CACNB2: variants seen among roughly 807,000 people sequenced by gnomAD.
CACNB2 encodes voltage-dependent L-type calcium channel subunit beta-2.
Under a neutral mutation model 73.3 loss-of-function variants are expected in CACNB2, and 42 were observed. That is an observed-to-expected ratio of 0.57 (90% CI 0.45 to 0.74). The LOEUF (loss-of-function observed/expected upper bound fraction) is 0.74. Among genes scored for constraint, CACNB2 ranks in the 30% least tolerant of loss-of-function variants. CACNB2 has a pLI of 0.00. For missense variants in CACNB2, 940 were observed against 853.0 expected (o/e 1.10, Z -1.27); for synonymous variants, 348 against 310.3 (o/e 1.12, Z -1.28).
intron 2 of CACNB2, among the ~76,000 whole-genome samples, chr10:18,331,757 C>A (rs891136757): frequency 2.6e-5 from 4 of 152,166 alleles, no homozygotes; most frequent in East Asian, 1.9e-4. Flanking sequence ...GGCAACAGAG[C>A]CGGGCCTAGC....
chr10:18,357,367 A>G (rs903565446), intron 2 of CACNB2, among the ~76,000 whole-genome samples: 8 of 152,212 alleles, frequency 5.3e-5, no homozygotes, highest in Non-Finnish European at 1.5e-5. Context: ...TACTGACCCA[A>G]TGAATAAAAA....
At chr10:18,530,488 A>C (rs1187178156) in intron 10 of CACNB2, among the ~76,000 whole-genome samples, 1 of 147,820 alleles carries the variant, frequency 6.8e-6, no homozygotes, top group Non-Finnish European at 1.5e-5. Context: ...TATTATTATA[A>C]TAAAATGCAA....
At chr10:18,334,922 C>A (rs1589069428) in intron 2 of CACNB2, among the ~76,000 whole-genome samples, 1 of 152,108 alleles carries the variant, frequency 6.6e-6, no homozygotes, top group East Asian at 1.9e-4. Context: ...CAAGGAGAAG[C>A]ATTGTTTTGT....
In CACNB2 at chr10:18,363,308, T is replaced by C. The variant is rs140360457; in HGVS notation, c.214-38616T>C. ...TGGCTCAGGCTTGGCTTTTCAGACA[T>C]AACACCTATGGTTTCTGTACAAGCA... On this transcript the variant is annotated intron_variant, in intron 2 of 13. Transcript: ENST00000324631. Among the ~76,000 whole-genome samples, 270 of 152,294 alleles carry C rather than the reference T, an allele frequency of 1.8e-3. 3 individuals carry two copies. Among genetic ancestry groups the C allele is most frequent in the Middle Eastern group, 6.8e-3 (2 of 294 alleles).
At chr10:18,467,785 C>T (rs2047977410) in intron 3 of CACNB2, among the ~76,000 whole-genome samples, 1 of 152,184 alleles carries the variant, frequency 6.6e-6, no homozygotes. Flanking sequence ...CACAGTCTAT[C>T]AACCCCAACT....
At chr10:18,304,295 G>T (rs1469697222) in intron 2 of CACNB2, among the ~76,000 whole-genome samples, 2 of 152,134 alleles carry the variant, frequency 1.3e-5, no homozygotes, top group Admixed American at 1.3e-4. Flanking sequence ...AGTCATGGTG[G>T]CAGTGGACAA....
intron 2 of CACNB2, among the ~76,000 whole-genome samples, chr10:18,169,631 G>A (rs1392720049): frequency 6.6e-6 from 1 of 152,126 alleles, no homozygotes; most frequent in Non-Finnish European, 1.5e-5. Flanking sequence ...TTGTAAGGTA[G>A]GTGTTTCATA....
intron 2 of CACNB2, among the ~76,000 whole-genome samples, chr10:18,246,450 A>T (rs1016161018): frequency 6.6e-6 from 1 of 152,192 alleles, no homozygotes; most frequent in Non-Finnish European, 1.5e-5. Flanking sequence ...CCTCTGTTAC[A>T]TAAATGAGGT....
At chr10:18,355,048 T>A (rs536528647) in intron 2 of CACNB2, among the ~76,000 whole-genome samples, 1 of 152,346 alleles carries the variant, frequency 6.6e-6, no homozygotes, top group East Asian at 1.9e-4. Context: ...ATGTATAAAG[T>A]GTACATGAAA....
At chr10:18,513,933 G>T (rs1236760936) in intron 6 of CACNB2, among the ~76,000 whole-genome samples, 1 of 152,200 alleles carries the variant, frequency 6.6e-6, no homozygotes, top group Non-Finnish European at 1.5e-5. Context: ...TTGATACAGA[G>T]AAAATCAACA....
Position 18,540,664 on chromosome 10 carries a change from T to C in CACNB2, c.*940T>C, listed in dbSNP as rs1330327835. 5 of 152,564 alleles carry C rather than the reference T, an allele frequency of 3.3e-5. No homozygotes were observed. The highest frequency in any genetic ancestry group is 6.5e-5 in the Admixed American group (1 of 15,270). The allele number at this position is 152,564 out of a possible 1,614,324, so 9.5% of individuals were successfully genotyped here. A position where few individuals can be genotyped will look rare whatever the true frequency, so the allele number is the denominator to read the frequency against. ...ATTGTGACACATTCTTAGTAGCTAG[T>C]GTCTGTTCTAGTCACTGCACTGGAG... On this transcript the variant is annotated 3_prime_UTR_variant, in exon 14 of 14. Transcript: ENST00000324631.
chr10:18,370,165 G>C (rs1024757272), intron 2 of CACNB2, among the ~76,000 whole-genome samples: 27 of 152,190 alleles, frequency 1.8e-4, no homozygotes, highest in African/African-American at 6.5e-4. Context: ...ATTGAATATT[G>C]AGTTACATTT....
intron 2 of CACNB2, among the ~76,000 whole-genome samples, chr10:18,222,397 C>G (rs1398813508): frequency 9.6e-6 from 1 of 104,392 alleles, no homozygotes; most frequent in Non-Finnish European, 2.2e-5. Flanking sequence ...TGATTGAAAA[C>G]ACACACACAT....
At chr10:18,311,534 A>T (rs1308462564) in intron 2 of CACNB2, among the ~76,000 whole-genome samples, 1 of 152,212 alleles carries the variant, frequency 6.6e-6, no homozygotes, top group Non-Finnish European at 1.5e-5. Flanking sequence ...CAGTTAACAC[A>T]TGTGTTGTGT....
chr10:18,228,773 C>G (rs931253765), intron 2 of CACNB2, among the ~76,000 whole-genome samples: 4 of 151,942 alleles, frequency 2.6e-5, no homozygotes, highest in Admixed American at 2.6e-4. Context: ...GAGTTTCACT[C>G]TTGTCACCCA....
intron 3 of CACNB2, among the ~76,000 whole-genome samples, chr10:18,489,386 A>G: frequency 1.1e-5 from 1 of 90,504 alleles, no homozygotes; most frequent in African/African-American, 4.7e-5. Flanking sequence ...GTGAAACTCC[A>G]TCTCAAAAAA....
chr10:18,187,883 T>C (rs2131250910), intron 2 of CACNB2, among the ~76,000 whole-genome samples: 1 of 152,298 alleles, frequency 6.6e-6, no homozygotes, highest in Non-Finnish European at 1.5e-5. Flanking sequence ...TCTGCCTTTT[T>C]AGGAAAATCC....
Position 18,398,714 on chromosome 10 carries a change from C to CACATACACACACACACACACAA in CACNB2, c.214-3209_214-3208insCATACACACACACACACACAAA, listed in dbSNP as rs1219813051. ...ACATACACACACACACACACACACA[C>CACATACACACACACACACACAA]AATTGTTTTTGTGTGAAAGTATATA... On this transcript the variant is annotated intron_variant, in intron 2 of 13. Transcript: ENST00000324631. Among the ~76,000 whole-genome samples the CACATACACACACACACACACAA allele has an allele frequency of 1.3e-5, 2 of 149,014 alleles. 1 individual carries two copies. The highest frequency in any genetic ancestry group is 4.1e-4 in the East Asian group (2 of 4,870).
At chr10:18,220,276 A>AGAGAGAGAGAGAG (rs1564354242) in intron 2 of CACNB2, among the ~76,000 whole-genome samples, 3 of 55,210 alleles carry the variant, frequency 5.4e-5, no homozygotes, top group Admixed American at 2.0e-4. Flanking sequence ...GAGAGAGAGA[A>AGAGAGAGAGAGAG]AGAGAGAGAA....
Sources: gnomAD v4.1 joint callset for allele counts (sites outside exome capture counted in the v4.1 genomes callset) on GRCh38, gnomAD v4.1.1 for gene constraint, MANE v1.5 for transcripts, NCBI Gene and HGNC (gene_info 2026-07-23, HGNC 2026-07-21) for gene names.